Variants in TTLL4 observed in about 807,000 individuals in gnomAD.
TTLL4 encodes the protein tubulin tyrosine ligase like 4.
Under a neutral mutation model 122.7 loss-of-function variants are expected in TTLL4, and 85 were observed. That is an observed-to-expected ratio of 0.69 (90% confidence interval 0.58 to 0.83). The LOEUF (loss-of-function observed/expected upper bound fraction) is 0.83, where lower values mean the gene tolerates loss of function less well. Ranked by LOEUF, TTLL4 falls within the 40% of genes least tolerant of loss-of-function variation. The pLI is 0.00. For synonymous variants in TTLL4, 553 were observed against 563.0 expected (o/e 0.98, Z 0.25); for missense variants, 1,363 against 1,488.6 (o/e 0.92, Z 1.39).
chr2:218,739,220 T>C, intron 3 of TTLL4, 57 bp downstream of exon 3: 1 of 1,535,168 alleles, frequency 6.5e-7, no homozygotes, highest in South Asian at 1.2e-5. Context: ...TACCATAATT[T>C]GGGGTGGCAC....
Position 218,754,132 on chromosome 2 carries a change from AG to A in TTLL4, c.3345-1del. On this transcript the variant is annotated splice_acceptor_variant, in intron 19 of 19. Transcript: ENST00000392102. LOFTEE classifies it high-confidence loss of function. ...ATTTCTTTCACCACCTATTCCCTCCAGAAAACAAAGCTCCTGTGAGGTTAGC... is the reference window on the plus strand; with the variant it reads ...ATTTCTTTCACCACCTATTCCCTCCAAAAACAAAGCTCCTGTGAGGTTAGC... 3 of 1,614,118 alleles carry A rather than the reference AG, an allele frequency of 1.9e-6. No homozygotes were observed. Among genetic ancestry groups the A allele is most frequent in the Non-Finnish European group, 2.5e-6 (3 of 1,180,006 alleles).
Position 218,748,142 on chromosome 2 carries a change from A to G in TTLL4, c.2416A>G (p.Met806Val), listed in dbSNP as rs1942900297. 1.2e-6 allele frequency: 2 copies of G among 1,614,030 alleles called. No individual in the cohort carries two copies. The highest frequency in any genetic ancestry group is 2.7e-5 in the African/African-American group (2 of 74,910). Residue 806 changes from methionine to valine, a missense_variant, in exon 12 of 20, where the codon ATG becomes GTG. Met to Val is a conservative substitution (Grantham distance 21). This residue lies in a region of TTLL4 where 596 missense variants were observed against 655.8 expected (regional missense o/e 0.91). Coordinates refer to ENST00000392102, the MANE Select transcript of TTLL4 (RefSeq NM_014640.5). ...PSMKSLGNKF[M>V]HLTNYSVNKK... is the part of the protein sequence containing the mutation. ...CATGAAGAGCCTTGGCAATAAGTTCATGCACCTGACCAACTACAGTGTCAA... is the reference window on the plus strand; with the variant it reads ...CATGAAGAGCCTTGGCAATAAGTTCGTGCACCTGACCAACTACAGTGTCAA...
At chr2:218,746,740 G>A (rs1942854003) in intron 8 of TTLL4, 1 of 506,236 alleles carries the variant, frequency 2.0e-6, no homozygotes, top group Admixed American at 3.6e-5. Context: ...AGGGTTTCAT[G>A]GATAAAGATG....
intron 1 of TTLL4, among the ~76,000 whole-genome samples, chr2:218,723,759 C>G (rs1226723513): frequency 6.6e-6 from 1 of 152,104 alleles, no homozygotes; most frequent in Admixed American, 6.6e-5. Context: ...AATAACTGGT[C>G]TGTATTCTTC....
intron 2 of TTLL4, chr2:218,736,177 G>C (rs572696458): frequency 6.6e-6 from 1 of 151,952 alleles, no homozygotes; most frequent in Admixed American, 6.6e-5. Flanking sequence ...GTTTTGCGAT[G>C]TTGCCCAGTA....
At chr2:218,728,953 G>A (rs1450120817) in intron 2 of TTLL4, among the ~76,000 whole-genome samples, 3 of 112,868 alleles carry the variant, frequency 2.7e-5, no homozygotes, top group Non-Finnish European at 5.6e-5. Context: ...GCGGGGGGGG[G>A]CATAGTTTTG....
rs1559366844 is a variant in TTLL4 at position 218,738,415 on chromosome 2, A to G, written c.739A>G (p.Ile247Val). ...CCTGAAGCCAGTATCGCCACCCAAG[A>G]TCCAGCCTGTCTCCTGGCATCATTC... ...QGLKPVSPPK[I>V]QPVSWHHSGG... The change falls in exon 3 of 20, where the codon ATC (isoleucine) becomes GTC (valine). Residue 247 changes from isoleucine (I) to valine (V), a missense_variant. Around this residue, in one of 3 missense-constraint regions of TTLL4, gnomAD observed 760 missense variants for 808.4 expected, o/e 0.94. Transcript: ENST00000392102. 6.2e-7 allele frequency: 1 copy of G among 1,614,082 alleles called. No homozygotes were observed. Among genetic ancestry groups the G allele is most frequent in the Non-Finnish European group, 8.5e-7 (1 of 1,180,026 alleles).
At chr2:218,748,510 C>G in intron 12 of TTLL4, 1 of 458,006 alleles carries the variant, frequency 2.2e-6, no homozygotes, top group Non-Finnish European at 3.8e-6. Flanking sequence ...CAAAAATTAG[C>G]TGGGTGTGGT....
At position 218,747,868 on chromosome 2, in the gene TTLL4, T is replaced by C. The variant is rs577647668; in HGVS notation, c.2378+143T>C. The C allele has an allele frequency of 2.3e-6, 3 of 1,295,172 alleles. No individual in the cohort carries two copies. The South Asian group carries it at 4.2e-5, about 18-fold the overall frequency. The allele number at this position is 1,295,172 out of a possible 1,614,324, so 80.2% of individuals were successfully genotyped here. On this transcript the variant is annotated intron_variant, in intron 11 of 19. Transcript: ENST00000392102. The surrounding 1 kb of genome is among the most constrained non-coding windows in gnomAD (Gnocchi z 4.7). ...GGAAATGGGAAATATGGAGGCTCTC[T>C]ACTTCGTTAAATCTGGGGAGGGTCT...
Position 218,739,080 on chromosome 2 carries a change from C to T in TTLL4, c.1404C>T (p.Arg468=). The T allele has an allele frequency of 6.2e-7, 1 of 1,614,144 alleles. No individual in the cohort carries two copies. Among genetic ancestry groups the T allele is most frequent in the African/African-American group, 1.3e-5 (1 of 75,060 alleles). Residue 468 remains arginine, a synonymous_variant, in exon 3 of 20, where the codon CGC becomes CGT. Coordinates refer to ENST00000392102, the MANE Select transcript of TTLL4 (RefSeq NM_014640.5). ...QTLGIANVAT[R]LSSIQLGQSE... is the part of the protein sequence containing the mutation. ...TTGGCATAGCCAACGTGGCCACCCG[C>T]CTCTCTTCCATCCAGCTGGGCCAGT... is the stretch of plus-strand genomic sequence containing the variant.
At chr2:218,745,891 T>C in intron 7 of TTLL4, 90 bp downstream of exon 7, 1 of 1,241,532 alleles carries the variant, frequency 8.1e-7, no homozygotes, top group Non-Finnish European at 1.2e-6. Context: ...CTCGTGCCTA[T>C]GTCGGGGCAG....
In TTLL4 at chr2:218,753,097, C is replaced by T; in HGVS notation, c.3188-18C>T. The T allele has an allele frequency of 1.2e-6, 2 of 1,614,200 alleles. No homozygotes were observed. The highest frequency in any genetic ancestry group is 1.7e-6 in the Non-Finnish European group (2 of 1,180,012). On this transcript the variant is annotated intron_variant, in intron 17 of 19. Coordinates refer to ENST00000392102, the MANE Select transcript of TTLL4 (RefSeq NM_014640.5). ...ATTCTACCTTCTTAAACCCCAACTC[C>T]TGCTAATCTTGTCCTAGGAGTAGAT...
At chr2:218,725,252 C>T (rs2106404869) in intron 1 of TTLL4, among the ~76,000 whole-genome samples, 1 of 152,254 alleles carries the variant, frequency 6.6e-6, no homozygotes, top group East Asian at 1.9e-4. Context: ...CAGAATCTTG[C>T]TGTGTCCCCT....
chr2:218,747,470 G>A lies in TTLL4; in HGVS notation c.2249+98G>A. The stretch of plus-strand genomic sequence containing the variant: ...TCTGCCCTTTGTTCTCCCAGCCAAA[G>A]AGCTTCCTTAGCCAACTGTTCTAAG... On this transcript the variant is annotated intron_variant, in intron 10 of 19. Transcript: ENST00000392102. The surrounding 1 kb of genome is among the most constrained non-coding windows in gnomAD (Gnocchi z 4.7). 1 of 1,570,098 alleles carries A rather than the reference G, an allele frequency of 6.4e-7. No individual in the cohort carries two copies. Among genetic ancestry groups the A allele is most frequent in the Non-Finnish European group, 8.7e-7 (1 of 1,154,926 alleles).
chr2:218,745,408 C>A, intron 6 of TTLL4, 175 bp downstream of exon 6: 1 of 808,028 alleles, frequency 1.2e-6, no homozygotes, highest in Non-Finnish European at 1.9e-6. Flanking sequence ...TTTTTCTTGT[C>A]TGTCCTTTAG....
chr2:218,754,228 C>T lies in TTLL4; in HGVS notation c.3439C>T (p.Gln1147Ter), dbSNP rs551609695. ...KTQAGLSPYP[Q>*]KPSSSKDSED... Reference sequence around the variant, plus strand: ...TCAAGCTGGCCTTTCCCCTTATCCCCAGAAACCCAGTTCCTCAAAGGACAG... The same window carrying T: ...TCAAGCTGGCCTTTCCCCTTATCCCTAGAAACCCAGTTCCTCAAAGGACAG... The change falls in exon 20 of 20, where the codon CAG (glutamine) becomes TAG (stop). Residue 1147 changes from glutamine (Q) to a stop codon, truncating the protein, a stop_gained. Transcript: ENST00000392102. LOFTEE classifies it high-confidence loss of function. The T allele has an allele frequency of 1.9e-6, 3 of 1,614,222 alleles. No homozygotes were observed. The highest frequency in any genetic ancestry group is 1.3e-5 in the African/African-American group (1 of 75,052).
Position 218,738,372 on chromosome 2 carries a change from A to G in TTLL4, c.696A>G (p.Leu232=). The G allele has an allele frequency of 6.2e-7, 1 of 1,614,138 alleles. No individual in the cohort carries two copies. The highest frequency in any genetic ancestry group is 8.5e-7 in the Non-Finnish European group (1 of 1,180,034). ...FMWPNSTPVP[L]LQTTQGLKPV... ...GGCCAAATAGCACGCCAGTGCCTTTATTGCAGACCACACAGGGCCTGAAGC... is the reference window on the plus strand; with the variant it reads ...GGCCAAATAGCACGCCAGTGCCTTTGTTGCAGACCACACAGGGCCTGAAGC... Residue 232 remains leucine, a synonymous_variant, in exon 3 of 20, where the codon TTA becomes TTG. Transcript: ENST00000392102.
chr2:218,719,112 T>A (rs561117408), intron 1 of TTLL4, among the ~76,000 whole-genome samples: 14 of 152,332 alleles, frequency 9.2e-5, no homozygotes, highest in South Asian at 4.1e-4. Context: ...GTCAATTTTT[T>A]AAAAACTTTT....
At chr2:218,716,196 A>G (rs1941852413) in intron 1 of TTLL4, among the ~76,000 whole-genome samples, 2 of 152,244 alleles carry the variant, frequency 1.3e-5, no homozygotes, top group South Asian at 2.1e-4. Context: ...AAATTTTATC[A>G]TTGGCAACAA....
Sources: gnomAD v4.1 joint callset for allele counts (sites outside exome capture counted in the v4.1 genomes callset) on GRCh38, gnomAD v4.1.1 for gene constraint, gnomAD v4.1.1 regional missense constraint, Gnocchi (gnomAD v3.1) non-coding constraint, MANE v1.5 for transcripts, NCBI Gene and HGNC (gene_info 2026-07-23, HGNC 2026-07-21) for gene names.